The following TTBK2 variants were observed in gnomAD, a reference collection of about 807,000 sequenced individuals.
TTBK2 encodes the protein tau-tubulin kinase 2.
In TTBK2, 28 loss-of-function variants were observed where a neutral mutation model predicts 110.8. That is an observed-to-expected ratio of 0.25 (90% CI 0.19 to 0.35). The LOEUF is 0.35. Ranked by LOEUF, TTBK2 falls within the 10% of genes least tolerant of loss-of-function variation. The pLI is 1.00. For missense variants in TTBK2, 1,369 were observed against 1,500.3 expected (o/e 0.91, Z 1.45); for synonymous variants, 532 against 527.3 (o/e 1.01, Z -0.12).
At chr15:42,789,854 T>TACACACACACACACACAC (rs58536399) in intron 10 of TTBK2, among the ~76,000 whole-genome samples, 6,572 of 147,802 alleles carry the variant, frequency 0.044, 176 homozygotes, top group South Asian at 0.075. Flanking sequence ...ATACATACAA[T>TACACACACACACACACAC]ACACACACAC....
intron 1 of TTBK2, among the ~76,000 whole-genome samples, chr15:42,886,083 C>T (rs536116091): frequency 1.3e-5 from 2 of 152,126 alleles, no homozygotes; most frequent in Admixed American, 6.5e-5. Context: ...AGACTCATTC[C>T]AAATCTTTCT....
intron 6 of TTBK2, 56 bp downstream of exon 6, chr15:42,827,872 T>C: frequency 7.2e-7 from 1 of 1,389,628 alleles, no homozygotes; most frequent in Non-Finnish European, 1.0e-6. Flanking sequence ...AAAAGTGTGA[T>C]ACTATAAATA....
intron 2 of TTBK2, among the ~76,000 whole-genome samples, chr15:42,876,723 AT>A (rs1005167560): frequency 6.6e-6 from 1 of 152,316 alleles, no homozygotes; most frequent in African/African-American, 2.4e-5. Context: ...CAATAAAAAA[AT>A]ATTTAAATAT....
chr15:42,758,355 A>G (rs1408333911), intron 13 of TTBK2, among the ~76,000 whole-genome samples: 1 of 152,202 alleles, frequency 6.6e-6, no homozygotes, highest in Non-Finnish European at 1.5e-5. Flanking sequence ...AATACTTTAT[A>G]GAAATGTTGA....
At chr15:42,797,663 G>C (rs1435044346) in intron 9 of TTBK2, among the ~76,000 whole-genome samples, 5 of 152,148 alleles carry the variant, frequency 3.3e-5, no homozygotes, top group Non-Finnish European at 5.9e-5. Context: ...TTTGGTAACT[G>C]AATGTGTTAC....
intron 1 of TTBK2, among the ~76,000 whole-genome samples, chr15:42,882,961 T>C (rs759672324): frequency 2.0e-5 from 3 of 152,088 alleles, no homozygotes; most frequent in Non-Finnish European, 4.4e-5. Context: ...GCAATAGAAA[T>C]CCAGGGAAGT....
intron 13 of TTBK2, among the ~76,000 whole-genome samples, chr15:42,761,251 T>C (rs1260589149): frequency 6.6e-6 from 1 of 152,146 alleles, no homozygotes; most frequent in Non-Finnish European, 1.5e-5. Flanking sequence ...ATAGGGTAAA[T>C]GTTTCAGAAC....
intron 11 of TTBK2, among the ~76,000 whole-genome samples, chr15:42,781,367 C>T (rs1890171130): frequency 6.6e-6 from 1 of 151,974 alleles, no homozygotes; most frequent in African/African-American, 2.4e-5. Context: ...TACAACACAC[C>T]AAAACTTTTG....
chr15:42,910,408 A>G (rs562093899), intron 1 of TTBK2, among the ~76,000 whole-genome samples: 1 of 152,330 alleles, frequency 6.6e-6, no homozygotes, highest in South Asian at 2.1e-4. Flanking sequence ...AAGAGCATCT[A>G]CTCATTCACT....
At chr15:42,887,523 A>G (rs1162933747) in intron 1 of TTBK2, among the ~76,000 whole-genome samples, 3 of 152,190 alleles carry the variant, frequency 2.0e-5, no homozygotes, top group Non-Finnish European at 4.4e-5. Context: ...CTGTTACAGC[A>G]TGGCCTTTTA....
intron 1 of TTBK2, among the ~76,000 whole-genome samples, chr15:42,884,426 A>C (rs958064770): frequency 2.0e-5 from 3 of 152,190 alleles, no homozygotes; most frequent in African/African-American, 7.2e-5. Flanking sequence ...TTTTGGTATA[A>C]TATTTGGTTT....
chr15:42,900,081 C>T (rs376258842), intron 1 of TTBK2, among the ~76,000 whole-genome samples: 7 of 151,700 alleles, frequency 4.6e-5, no homozygotes, highest in Non-Finnish European at 7.4e-5. Context: ...GCACCTCCAC[C>T]GCCCGGGTTC....
chr15:42,834,936 G>A (rs1190636846), intron 4 of TTBK2, among the ~76,000 whole-genome samples: 2 of 152,060 alleles, frequency 1.3e-5, no homozygotes, highest in East Asian at 3.8e-4. Flanking sequence ...TGAATTTATG[G>A]ATTTATTATA....
At chr15:42,877,953 G>A (rs149602535) in intron 2 of TTBK2, among the ~76,000 whole-genome samples, 140 of 151,320 alleles carry the variant, frequency 9.3e-4, no homozygotes, top group African/African-American at 3.2e-3. Flanking sequence ...TTTAACTTGA[G>A]TCATGAGAAC....
intron 4 of TTBK2, among the ~76,000 whole-genome samples, chr15:42,830,547 G>A (rs943399620): frequency 1.6e-4 from 24 of 151,932 alleles, no homozygotes; most frequent in Non-Finnish European, 2.8e-4. Context: ...TTAATCACAC[G>A]AATGTTTCAG....
chr15:42,904,981 C>G (rs1451341852), intron 1 of TTBK2, among the ~76,000 whole-genome samples: 1 of 151,930 alleles, frequency 6.6e-6, no homozygotes, highest in Non-Finnish European at 1.5e-5. Flanking sequence ...AAGTGATCCT[C>G]CCACCTCAGC....
chr15:42,836,312 T>C (rs1395317391), intron 4 of TTBK2, among the ~76,000 whole-genome samples: 1 of 152,180 alleles, frequency 6.6e-6, no homozygotes, highest in Non-Finnish European at 1.5e-5. Context: ...AACAAGTTTA[T>C]CTTAAGAATA....
At chr15:42,895,538 GA>G (rs1266626368) in intron 1 of TTBK2, among the ~76,000 whole-genome samples, 1 of 150,838 alleles carries the variant, frequency 6.6e-6, no homozygotes, top group Non-Finnish European at 1.5e-5. Flanking sequence ...ACATCAAAAA[GA>G]TTTTTTTTTT....
chr15:42,855,751 T>TC (rs1179036482), intron 3 of TTBK2, among the ~76,000 whole-genome samples: 20 of 152,260 alleles, frequency 1.3e-4, no homozygotes, highest in Non-Finnish European at 2.6e-4. Context: ...GTGGTGCGAT[T>TC]TCGGCTCACC....
Sources: allele counts gnomAD v4.1 joint callset (sites outside exome capture counted in the v4.1 genomes callset), GRCh38; gene constraint gnomAD v4.1.1; transcripts MANE v1.5; gene names NCBI Gene and HGNC (gene_info 2026-07-23, HGNC 2026-07-21).